ADGRF3: variants seen among roughly 807,000 people sequenced by gnomAD.
ADGRF3 encodes adhesion G protein-coupled receptor F3.
ADGRF3 carries 85 observed loss-of-function variants against 93.2 expected under a neutral mutation model. The ratio of observed to expected loss-of-function variants is 0.91; its 90% CI spans 0.77 to 1.09. The LOEUF is 1.09. Ranked by LOEUF, ADGRF3 falls within the 50% of genes least tolerant of loss-of-function variation. ADGRF3 has a pLI of 0.00. For missense variants in ADGRF3, 1,125 were observed against 1,246.2 expected (o/e 0.90, Z 1.46); for synonymous variants, 534 against 532.5 (o/e 1.00, Z -0.04).
At chr2:26,323,710 A>G (rs1252816043) in intron 1 of ADGRF3, among the ~76,000 whole-genome samples, 1 of 149,306 alleles carries the variant, frequency 6.7e-6, no homozygotes, top group Non-Finnish European at 1.5e-5. Context: ...GCTCACTACA[A>G]CCTCCACCTC....
intron 1 of ADGRF3, among the ~76,000 whole-genome samples, chr2:26,328,268 T>G (rs892206681): frequency 1.3e-5 from 2 of 152,192 alleles, no homozygotes; most frequent in Admixed American, 1.3e-4. Flanking sequence ...TTCTTTGACT[T>G]TAGTTTTTAG....
rs1675289140 is a variant in ADGRF3, at chr2:26,323,809, A to G, written c.115-6247T>C. 2.0e-5 allele frequency among the ~76,000 whole-genome samples: 3 copies of G among 151,844 alleles called. No individual in the cohort carries two copies. The South Asian group carries it at 6.2e-4, about 32-fold the overall frequency. ...CACACCCAGATAATTTTGTATTTTT[A>G]GTAGAGACGGGATTTCACCGTGTTG... On this transcript the variant is annotated intron_variant, in intron 1 of 13. Transcript: ENST00000651242.
intron 1 of ADGRF3, among the ~76,000 whole-genome samples, chr2:26,345,370 C>G (rs186137188): frequency 6.6e-6 from 1 of 152,056 alleles, no homozygotes; most frequent in African/African-American, 2.4e-5. Context: ...AAGGACTCGT[C>G]GAGACTGAGA....
intron 1 of ADGRF3, among the ~76,000 whole-genome samples, chr2:26,341,044 A>G (rs974883990): frequency 2.8e-4 from 42 of 152,266 alleles, no homozygotes; most frequent in African/African-American, 9.9e-4. Context: ...GACTACTGAC[A>G]CTACTGGTTT....
At chr2:26,315,939 T>C (rs1406391766) in intron 4 of ADGRF3, among the ~76,000 whole-genome samples, 199 bp from the exon 5 acceptor site, 1 of 152,162 alleles carries the variant, frequency 6.6e-6, no homozygotes, top group African/African-American at 2.4e-5. Context: ...TATCTGTTAT[T>C]GGAAACCAAA....
chr2:26,310,065 G>A lies in ADGRF3; in HGVS notation c.2915C>T (p.Ala972Val), dbSNP rs1016545910. The change falls in exon 12 of 14, where the codon GCC (alanine) becomes GTC (valine). Residue 972 changes from alanine (A) to valine (V), a missense_variant. Physicochemically the swap from Ala to Val is moderately conservative, Grantham distance 64 (BLOSUM62 0). Coordinates refer to ENST00000651242, the MANE Select transcript of ADGRF3 (RefSeq NM_001321971.2). ...CACCAGGGAGATGGTGGAGCTGGGG[G>A]CTTGGGCGCGGCAGAAGCGTTTGCG... Reference protein sequence around the residue: ...ALRKRFCRAQAPSSTISLATN... With the variant: ...ALRKRFCRAQVPSSTISLATN... 1 of 1,614,072 alleles carries A rather than the reference G, an allele frequency of 6.2e-7. No homozygotes were observed.
chr2:26,319,257 G>T (rs546188933), intron 1 of ADGRF3, among the ~76,000 whole-genome samples: 1 of 152,278 alleles, frequency 6.6e-6, no homozygotes, highest in Admixed American at 6.5e-5. Flanking sequence ...CAGTGAGAAT[G>T]GTGCCCAGGC....
rs867849340 is a variant in ADGRF3, at chr2:26,342,013, C to T, written c.114+4108G>A. On this transcript the variant is annotated intron_variant, in intron 1 of 13. Coordinates refer to ENST00000651242, the MANE Select transcript of ADGRF3 (RefSeq NM_001321971.2). Reference sequence around the variant, plus strand: ...GCGTGAACCCGGGAGGCGGAGATTGCAGTGAGCTGATATTGCGCCACTGCA... The same window carrying T: ...GCGTGAACCCGGGAGGCGGAGATTGTAGTGAGCTGATATTGCGCCACTGCA... 9.9e-5 allele frequency among the ~76,000 whole-genome samples: 15 copies of T among 151,288 alleles called. 1 individual carries two copies. In the South Asian group the frequency reaches 1.7e-3, roughly 17 times the overall value.
At chr2:26,335,694 T>C (rs993616400) in intron 1 of ADGRF3, among the ~76,000 whole-genome samples, 1 of 152,200 alleles carries the variant, frequency 6.6e-6, no homozygotes, top group Non-Finnish European at 1.5e-5. Context: ...CTAATAATGA[T>C]GTATCTTACG....
At chr2:26,320,661 G>C (rs113261107) in intron 1 of ADGRF3, among the ~76,000 whole-genome samples, 180 of 152,204 alleles carry the variant, frequency 1.2e-3, no homozygotes, top group African/African-American at 4.1e-3. Context: ...TTGTACATGT[G>C]TGTAAAAACA....
Position 26,312,943 on chromosome 2 carries a change from C to A in ADGRF3, c.1449G>T (p.Lys483Asn), listed in dbSNP as rs781609343. The change falls in exon 9 of 14, where the codon AAG becomes AAT. Residue 483 changes from lysine to asparagine, a missense_variant and splice_region_variant. By Grantham distance (94) the Lys-to-Asn change is moderately conservative (BLOSUM62 0). Coordinates refer to ENST00000651242, the MANE Select transcript of ADGRF3 (RefSeq NM_001321971.2). The part of the protein sequence containing the change: ...ARIQLDRRAL[K>N]NLLIATDKVL... ...CCCCACTGTGGCTCAGAGATCTCACCTTCAGGGCTCTGCGGTCAAGCTGTA... is the reference window on the plus strand; with the variant it reads ...CCCCACTGTGGCTCAGAGATCTCACATTCAGGGCTCTGCGGTCAAGCTGTA... 6.2e-7 allele frequency: 1 copy of A among 1,607,574 alleles called. No homozygotes were observed. The highest frequency in any genetic ancestry group is 8.5e-7 in the Non-Finnish European group (1 of 1,176,870).
At chr2:26,336,278 C>T (rs752326928) in intron 1 of ADGRF3, among the ~76,000 whole-genome samples, 5 of 149,612 alleles carry the variant, frequency 3.3e-5, no homozygotes, top group Admixed American at 6.6e-5. Flanking sequence ...AAATGTTTGG[C>T]GATTTATGAA....
chr2:26,308,995 G>A lies in ADGRF3; in HGVS notation c.*91C>T. ...CTCAAGGGCTGAGCTCCGGGAGGCG[G>A]GAAGAGTTCAGAGCATTGGGCCAGG... On this transcript the variant is annotated 3_prime_UTR_variant, in exon 14 of 14. Coordinates refer to ENST00000651242, the MANE Select transcript of ADGRF3 (RefSeq NM_001321971.2). 4 of 1,573,024 alleles carry A rather than the reference G, an allele frequency of 2.5e-6. No individual in the cohort carries two copies. Among genetic ancestry groups the A allele is most frequent in the Non-Finnish European group, 3.5e-6 (4 of 1,144,166 alleles).
chr2:26,329,664 G>A (rs769270334), intron 1 of ADGRF3, among the ~76,000 whole-genome samples: 4 of 152,136 alleles, frequency 2.6e-5, no homozygotes, highest in Non-Finnish European at 5.9e-5. Context: ...ACATTTGTAG[G>A]TATTTATTAT....
At chr2:26,344,564 T>G (rs1481428724) in intron 1 of ADGRF3, among the ~76,000 whole-genome samples, 1 of 152,214 alleles carries the variant, frequency 6.6e-6, no homozygotes, top group Non-Finnish European at 1.5e-5. Flanking sequence ...CCCTGGGTTA[T>G]GGAACATGGG....
rs368215740 is a variant in ADGRF3 at position 26,328,818 on chromosome 2, T to C, written c.115-11256A>G. Among the ~76,000 whole-genome samples, 392 of 152,332 alleles carry C rather than the reference T, an allele frequency of 2.6e-3. 2 individuals carry two copies. Among genetic ancestry groups the C allele is most frequent in the Middle Eastern group, 0.01 (3 of 294 alleles). ...CAGGTTTTCAATCTTTTTTCTCTGG[T>C]TTTCAGATTGGATCATTTCTATTGA... On this transcript the variant is annotated intron_variant, in intron 1 of 13. Transcript: ENST00000651242.
intron 6 of ADGRF3, 46 bp from the exon 7 acceptor site, chr2:26,313,949 G>A: frequency 1.2e-6 from 2 of 1,607,800 alleles, no homozygotes; most frequent in South Asian, 1.1e-5. Flanking sequence ...CCAGGGACAG[G>A]CCTGGAACCC....
intron 1 of ADGRF3, among the ~76,000 whole-genome samples, chr2:26,333,976 C>T (rs1164890622): frequency 2.3e-5 from 3 of 128,826 alleles, no homozygotes; most frequent in South Asian, 2.8e-4. Context: ...CACGCCACCA[C>T]GCCCAGCTAG....
intron 1 of ADGRF3, among the ~76,000 whole-genome samples, chr2:26,325,044 A>G (rs866496171): frequency 6.6e-6 from 1 of 151,390 alleles, no homozygotes; most frequent in Admixed American, 6.7e-5. Flanking sequence ...ATTTGCACAA[A>G]TACAATTTGG....
Sources: allele counts gnomAD v4.1 joint callset (sites outside exome capture counted in the v4.1 genomes callset), GRCh38; gene constraint gnomAD v4.1.1; transcripts MANE v1.5; gene names NCBI Gene and HGNC (gene_info 2026-07-23, HGNC 2026-07-21).